The following CADPS2 variants were observed in gnomAD, a reference collection of about 807,000 sequenced individuals.
The protein encoded by CADPS2 is calcium dependent secretion activator 2.
Under a neutral mutation model 172.5 loss-of-function variants are expected in CADPS2, and 93 were observed. That is an observed-to-expected ratio of 0.54 (90% CI 0.46 to 0.64). The LOEUF is 0.64. CADPS2 is among the 30% of genes least tolerant of loss of function. The pLI, the probability that CADPS2 is intolerant of heterozygous loss-of-function variation, is 0.00. For synonymous variants in CADPS2, 546 were observed against 555.2 expected (o/e 0.98, Z 0.23); for missense variants, 1,420 against 1,565.9 (o/e 0.91, Z 1.57).
chr7:122,713,458 A>G (rs903164195), intron 2 of CADPS2, among the ~76,000 whole-genome samples: 1 of 152,110 alleles, frequency 6.6e-6, no homozygotes, highest in Admixed American at 6.6e-5. Context: ...TAAAGCACTT[A>G]GAGCACTACT....
intron 24 of CADPS2, among the ~76,000 whole-genome samples, chr7:122,386,115 A>C (rs534877681): frequency 2.8e-4 from 43 of 152,158 alleles, no homozygotes; most frequent in African/African-American, 1.0e-3. Context: ...GTTTTCATGA[A>C]TCTTTGGACT....
intron 1 of CADPS2, among the ~76,000 whole-genome samples, chr7:122,876,367 T>C (rs1304042338): frequency 1.3e-5 from 2 of 152,134 alleles, no homozygotes; most frequent in African/African-American, 4.8e-5. Flanking sequence ...ATTTTATATT[T>C]ATTTTTTCTT....
intron 27 of CADPS2, among the ~76,000 whole-genome samples, chr7:122,351,935 T>A (rs193103732): frequency 6.6e-6 from 1 of 152,170 alleles, no homozygotes; most frequent in Non-Finnish European, 1.5e-5. Context: ...ATGGGGAAAA[T>A]CCTTTCAAAG....
At chr7:122,675,401 T>A (rs2082283773) in intron 2 of CADPS2, among the ~76,000 whole-genome samples, 1 of 152,204 alleles carries the variant, frequency 6.6e-6, no homozygotes, top group African/African-American at 2.4e-5. Flanking sequence ...AAGTGAAAAC[T>A]CTAAAGTGAT....
intron 1 of CADPS2, among the ~76,000 whole-genome samples, chr7:122,750,944 G>C (rs900833658): frequency 6.6e-6 from 1 of 152,108 alleles, no homozygotes; most frequent in African/African-American, 2.4e-5. Context: ...AGTAGATTTA[G>C]ACTTAAACAA....
chr7:122,651,783 T>C (rs536596529), intron 3 of CADPS2, among the ~76,000 whole-genome samples: 1 of 152,276 alleles, frequency 6.6e-6, no homozygotes, highest in South Asian at 2.1e-4. Context: ...AGGGTCTAGA[T>C]AGCTATAAAA....
chr7:122,805,660 A>G (rs1390149765), intron 1 of CADPS2, among the ~76,000 whole-genome samples: 1 of 152,188 alleles, frequency 6.6e-6, no homozygotes, highest in Non-Finnish European at 1.5e-5. Flanking sequence ...TTATGAGTCA[A>G]GCAACCAGGT....
chr7:122,758,231 T>C (rs1241988190), intron 1 of CADPS2, among the ~76,000 whole-genome samples: 1 of 152,214 alleles, frequency 6.6e-6, no homozygotes, highest in Non-Finnish European at 1.5e-5. Context: ...TTCATTTTCA[T>C]ATTGCCTGCA....
intron 8 of CADPS2, among the ~76,000 whole-genome samples, chr7:122,549,533 A>G (rs2063989446): frequency 6.6e-6 from 1 of 151,930 alleles, no homozygotes; most frequent in Non-Finnish European, 1.5e-5. Flanking sequence ...AAGTGGGAGG[A>G]CTGCTTAAGC....
At chr7:122,700,189 G>C (rs1344555457) in intron 2 of CADPS2, among the ~76,000 whole-genome samples, 3 of 152,164 alleles carry the variant, frequency 2.0e-5, no homozygotes, top group African/African-American at 7.2e-5. Context: ...CGAGGCCAAA[G>C]ATTCTGACCT....
chr7:122,603,311 G>A (rs998812304), intron 6 of CADPS2, among the ~76,000 whole-genome samples: 22 of 147,618 alleles, frequency 1.5e-4, no homozygotes, highest in Non-Finnish European at 2.9e-4. Context: ...AGCACATTCC[G>A]CTTCATAAAA....
At chr7:122,583,725 C>T (rs1295266759) in intron 6 of CADPS2, among the ~76,000 whole-genome samples, 3 of 150,998 alleles carry the variant, frequency 2.0e-5, no homozygotes, top group African/African-American at 7.3e-5. Context: ...CTCACAATAG[C>T]ATATATAACA....
intron 1 of CADPS2, among the ~76,000 whole-genome samples, chr7:122,881,280 C>T (rs1383751250): frequency 6.6e-6 from 1 of 152,112 alleles, no homozygotes; most frequent in Non-Finnish European, 1.5e-5. Flanking sequence ...ATATCAAAAT[C>T]GCAGCTGATT....
chr7:122,839,089 C>A (rs1392873551), intron 1 of CADPS2, among the ~76,000 whole-genome samples: 2 of 152,100 alleles, frequency 1.3e-5, no homozygotes, highest in African/African-American at 4.8e-5. Context: ...AGATATAGAC[C>A]AATGGAACAG....
intron 3 of CADPS2, among the ~76,000 whole-genome samples, chr7:122,660,513 A>T (rs2080405799): frequency 2.0e-5 from 3 of 152,100 alleles, no homozygotes; most frequent in Admixed American, 6.6e-5. Flanking sequence ...AGCTACAAAG[A>T]TTTTAAAATT....
intron 1 of CADPS2, among the ~76,000 whole-genome samples, chr7:122,784,610 A>G (rs1205027238): frequency 1.3e-5 from 2 of 152,156 alleles, no homozygotes; most frequent in East Asian, 1.9e-4. Context: ...ATTGTGGTCT[A>G]TTTCTCTCAG....
At chr7:122,660,795 A>G (rs571907139) in intron 3 of CADPS2, among the ~76,000 whole-genome samples, 1 of 152,082 alleles carries the variant, frequency 6.6e-6, no homozygotes, top group Non-Finnish European at 1.5e-5. Context: ...CTGTAATCCC[A>G]GCTACTTGGG....
chr7:122,800,690 G>A (rs1490523361), intron 1 of CADPS2, among the ~76,000 whole-genome samples: 1 of 152,090 alleles, frequency 6.6e-6, no homozygotes, highest in African/African-American at 2.4e-5. Context: ...AGGAGGAAAA[G>A]AGCAAACAAA....
chr7:122,867,189 T>TA (rs1456359211), intron 1 of CADPS2, among the ~76,000 whole-genome samples: 1 of 152,064 alleles, frequency 6.6e-6, no homozygotes, highest in Non-Finnish European at 1.5e-5. Context: ...TACTCTCCCT[T>TA]AAGAGGAATA....
Sources: gnomAD v4.1 joint callset for allele counts (sites outside exome capture counted in the v4.1 genomes callset) on GRCh38, gnomAD v4.1.1 for gene constraint, MANE v1.5 for transcripts, NCBI Gene and HGNC (gene_info 2026-07-23, HGNC 2026-07-21) for gene names.